The following DPP8 variants were observed in gnomAD, a reference collection of about 807,000 sequenced individuals.
DPP8 encodes the protein dipeptidyl peptidase 8.
A neutral mutation model predicts 107.5 loss-of-function variants in DPP8; 31 were observed. The observed-to-expected ratio is 0.29, with a 90% CI of 0.22 to 0.39. The LOEUF (loss-of-function observed/expected upper bound fraction) is 0.39, where lower values mean the gene tolerates loss of function less well. DPP8 is among the 10% of genes least tolerant of loss of function. The pLI, the probability that DPP8 is intolerant of heterozygous loss-of-function variation, is 1.00. For synonymous variants in DPP8, 381 were observed against 356.6 expected, an observed-to-expected ratio of 1.07 and a Z score of -0.77; for missense variants, 842 against 1,076.1, an observed-to-expected ratio of 0.78 and a Z score of 3.04.
At position 65,515,890 on chromosome 15, in the gene DPP8, A is replaced by G. The variant is rs185687447; in HGVS notation, c.-12+1596T>C. 1.1e-5 allele frequency: 6 copies of G among 547,490 alleles called. No homozygotes were observed. In the East Asian group the frequency reaches 1.8e-4, roughly 16 times the overall value. The allele number at this position is 547,490 out of a possible 1,614,324, so 33.9% of individuals were successfully genotyped here. ...CCCCAAAATAGTAGTTAAAACTGAT[A>G]CCAAAATATCACTTTTTGGGGCAAT... On this transcript the variant is annotated intron_variant, in intron 1 of 19. Transcript: ENST00000300141.
chr15:65,470,325 G>T (rs1030656005), intron 12 of DPP8, among the ~76,000 whole-genome samples: 6 of 150,808 alleles, frequency 4.0e-5, no homozygotes, highest in African/African-American at 1.5e-4. Context: ...GAGGGAAAGG[G>T]CTGGGCATGG....
intron 11 of DPP8, among the ~76,000 whole-genome samples, chr15:65,477,348 T>C (rs972315409): frequency 1.3e-5 from 2 of 151,874 alleles, no homozygotes; most frequent in East Asian, 1.9e-4. Context: ...TGAGCCGAGA[T>C]AGCACCACTG....
intron 11 of DPP8, chr15:65,475,485 C>T (rs908492439): frequency 1.3e-6 from 2 of 1,518,362 alleles, no homozygotes; most frequent in Non-Finnish European, 1.8e-6. Flanking sequence ...CCCTGTCTCA[C>T]TCCCACATAG....
At chr15:65,450,311 C>A (rs1194580443) in intron 19 of DPP8, among the ~76,000 whole-genome samples, 2 of 152,070 alleles carry the variant, frequency 1.3e-5, no homozygotes, top group East Asian at 3.8e-4. Context: ...TCTCAGTTTT[C>A]ATATCTTACA....
rs1200539390 is a variant in DPP8 at position 65,448,869 on chromosome 15, T to C, written c.2527-1863A>G. On this transcript the variant is annotated intron_variant, in intron 19 of 19. Transcript: ENST00000300141. ...AAAATATACATATATATCTAAAATA[T>C]ATATATATATATATATATATATATA... 3.1e-3 allele frequency among the ~76,000 whole-genome samples: 19 copies of C among 6,184 alleles called. No homozygotes were observed. In the East Asian group the frequency reaches 0.049, roughly 16 times the overall value. 4.1% of individuals were successfully genotyped at this position (6,184 alleles called of 152,430 possible). A position where few individuals can be genotyped will look rare whatever the true frequency, so the allele number is the denominator to read the frequency against.
At chr15:65,459,283 C>T (rs2064715814) in intron 15 of DPP8, among the ~76,000 whole-genome samples, 1 of 152,026 alleles carries the variant, frequency 6.6e-6, no homozygotes, top group Non-Finnish European at 1.5e-5. Context: ...CTCAAGCAAT[C>T]CTCCTATCTC....
Position 65,509,382 on chromosome 15 carries a change from T to C in DPP8, c.260-2027A>G, listed in dbSNP as rs56362513. 9.7e-3 allele frequency among the ~76,000 whole-genome samples: 1,473 copies of C among 152,330 alleles called. 16 individuals carry two copies. Among genetic ancestry groups the C allele is most frequent in the Non-Finnish European group, 0.016 (1,107 of 68,022 alleles). On this transcript the variant is annotated intron_variant, in intron 2 of 19. Transcript: ENST00000300141. The stretch of plus-strand genomic sequence containing the variant: ...TCAGTTGCCCCTCCCTATATGCTCC[T>C]AGTTCCATAATGTCTGCCTTGGCTT...
rs566841934 is a variant in DPP8 at position 65,469,124 on chromosome 15, T to C, written c.1537-1901A>G. On this transcript the variant is annotated intron_variant, in intron 12 of 19. Coordinates refer to ENST00000300141, the MANE Select transcript of DPP8 (RefSeq NM_130434.5). ...CTGAGTAGCTGGGATTACAGGCATG[T>C]ACCACCACGCCTGGCTAATTTTGTA... Among the ~76,000 whole-genome samples, 182 of 152,046 alleles carry C rather than the reference T, an allele frequency of 1.2e-3. 1 individual carries two copies. Among genetic ancestry groups the C allele is most frequent in the Middle Eastern group, 6.8e-3 (2 of 294 alleles).
intron 10 of DPP8, 33 bp from the exon 11 acceptor site, chr15:65,479,072 A>G (rs755444267): frequency 7.0e-7 from 1 of 1,426,544 alleles, no homozygotes; most frequent in South Asian, 1.4e-5. Flanking sequence ...TACTATACAT[A>G]TTATGAAAAT....
chr15:65,510,717 T>G (rs2070661204), intron 2 of DPP8, among the ~76,000 whole-genome samples: 2 of 152,182 alleles, frequency 1.3e-5, no homozygotes, highest in Non-Finnish European at 2.9e-5. Flanking sequence ...TTTTGCATTT[T>G]TAGTAGAGAC....
At chr15:65,505,124 G>A (rs1454378250) in intron 3 of DPP8, among the ~76,000 whole-genome samples, 1 of 152,146 alleles carries the variant, frequency 6.6e-6, no homozygotes, top group African/African-American at 2.4e-5. Context: ...GGGAGGCCGA[G>A]GCAGGCGGAT....
At position 65,480,353 on chromosome 15, in the gene DPP8, C is replaced by T. The variant is rs747925407; in HGVS notation, c.1165G>A (p.Val389Met). 8.1e-6 allele frequency: 13 copies of T among 1,613,486 alleles called. No individual in the cohort carries two copies. Among genetic ancestry groups the T allele is most frequent in the Admixed American group, 5.0e-5 (3 of 59,918 alleles). ...ATAAATAATTCAGGTGAGATCAACACTATCTGTAGGCGAGTCTGGGAGCGA... is the reference window on the plus strand; with the variant it reads ...ATAAATAATTCAGGTGAGATCAACATTATCTGTAGGCGAGTCTGGGAGCGA... ...LDRSQTRLQI[V>M]LISPELFIPV... is the part of the protein sequence containing the mutation. Residue 389 changes from valine to methionine, a missense_variant, in exon 10 of 20, where the codon GTG becomes ATG. Physicochemically the swap from Val to Met is conservative, Grantham distance 21. Coordinates refer to ENST00000300141, the MANE Select transcript of DPP8 (RefSeq NM_130434.5).
intron 5 of DPP8, among the ~76,000 whole-genome samples, chr15:65,494,715 T>A (rs939407564): frequency 6.8e-6 from 1 of 147,760 alleles, no homozygotes; most frequent in Non-Finnish European, 1.5e-5. Flanking sequence ...ACTACCAACC[T>A]AATCTTTCTA....
At chr15:65,503,733 C>G (rs569478572) in intron 3 of DPP8, among the ~76,000 whole-genome samples, 87 of 152,234 alleles carry the variant, frequency 5.7e-4, no homozygotes, top group African/African-American at 2.1e-3. Context: ...ATCGATTCTC[C>G]CACCTCAGCC....
chr15:65,474,003 C>A (rs1176822728), intron 12 of DPP8, among the ~76,000 whole-genome samples: 1 of 152,038 alleles, frequency 6.6e-6, no homozygotes, highest in Non-Finnish European at 1.5e-5. Flanking sequence ...ACTTGGGAGG[C>A]AGAGGCAGGA....
chr15:65,493,683 C>T (rs1230894363), intron 5 of DPP8, among the ~76,000 whole-genome samples: 2 of 152,066 alleles, frequency 1.3e-5, no homozygotes, highest in Non-Finnish European at 2.9e-5. Context: ...TTTGTATCTT[C>T]CTACTGTTTA....
At chr15:65,505,501 A>G (rs1163494419) in intron 3 of DPP8, among the ~76,000 whole-genome samples, 1 of 152,202 alleles carries the variant, frequency 6.6e-6, no homozygotes, top group African/African-American at 2.4e-5. Context: ...AAAAATTTCC[A>G]TTATAAAAGT....
At chr15:65,516,639 T>C (rs896088507) in intron 1 of DPP8, 6 of 152,114 alleles carry the variant, frequency 3.9e-5, no homozygotes, top group Admixed American at 6.6e-5. Flanking sequence ...CACTCAGAAA[T>C]AGAGCATGTT....
At chr15:65,504,667 C>CAAAAA (rs371246881) in intron 3 of DPP8, among the ~76,000 whole-genome samples, 1,315 of 108,762 alleles carry the variant, frequency 0.012, 45 homozygotes, top group African/African-American at 0.048. Context: ...GATTCCGTCT[C>CAAAAA]AAAAAAAAAA....
Sources: allele counts gnomAD v4.1 joint callset (sites outside exome capture counted in the v4.1 genomes callset), GRCh38; gene constraint gnomAD v4.1.1; transcripts MANE v1.5; gene names NCBI Gene and HGNC (gene_info 2026-07-23, HGNC 2026-07-21).